Variants in GK5 observed in about 807,000 individuals in gnomAD.
GK5 encodes ATP:glycerol 3-phosphotransferase 5.
A neutral mutation model predicts 77.3 loss-of-function variants in GK5; 39 were observed. The observed-to-expected ratio is 0.50, with a 90% CI of 0.39 to 0.66. GK5 has a LOEUF of 0.66. Ranked by LOEUF, GK5 falls within the 30% of genes least tolerant of loss-of-function variation. GK5 has a pLI of 0.00. For missense variants in GK5, 487 were observed against 633.8 expected (o/e 0.77, Z 2.49); for synonymous variants, 211 against 208.0 (o/e 1.01, Z -0.13).
rs1459056706 is a variant in GK5 at position 142,186,284 on chromosome 3, A to T, written c.682-17T>A. The T allele has an allele frequency of 6.6e-7, 1 of 1,515,006 alleles. No homozygotes were observed. The highest frequency in any genetic ancestry group is 9.2e-7 in the Non-Finnish European group (1 of 1,091,114). The allele number at this position is 1,515,006 out of a possible 1,614,324, so 93.8% of individuals were successfully genotyped here. ...CCAACACATCTGAGCATAAAAACGT[A>T]TCATCAGAATATACATATTTACATA... On this transcript the variant is annotated splice_polypyrimidine_tract_variant and intron_variant, in intron 7 of 15. Coordinates refer to ENST00000392993, the MANE Select transcript of GK5 (RefSeq NM_001039547.3).
chr3:142,212,042 C>T (rs1473602338), intron 3 of GK5, among the ~76,000 whole-genome samples: 1 of 152,178 alleles, frequency 6.6e-6, no homozygotes, highest in East Asian at 1.9e-4. Flanking sequence ...TTTCTTCTTC[C>T]TGCCCAATAC....
rs2063403867 is a variant in GK5 at position 142,159,100 on chromosome 3, C to G, written c.*6522G>C. 6.6e-6 allele frequency: 1 copy of G among 152,168 alleles called. No homozygotes were observed. The highest frequency in any genetic ancestry group is 2.4e-5 in the African/African-American group (1 of 41,448). 9.4% of individuals were successfully genotyped at this position (152,168 alleles called of 1,614,324 possible). Reference sequence around the variant, plus strand: ...TAGTGATCATATCTCACTGCAGCCTCGAACTCCTGGGCTCAAGTGATCCTC... The same window carrying G: ...TAGTGATCATATCTCACTGCAGCCTGGAACTCCTGGGCTCAAGTGATCCTC... On this transcript the variant is annotated 3_prime_UTR_variant, in exon 16 of 16. Transcript: ENST00000392993.
intron 5 of GK5, 121 bp downstream of exon 5, chr3:142,198,681 C>A: frequency 1.1e-6 from 1 of 879,634 alleles, no homozygotes. Context: ...GTGGTAGACA[C>A]TTAATTTTCC....
rs1208719198 is a variant in GK5, at chr3:142,162,045, C to G, written c.*3577G>C. ...AAACTCCTGAGCTGAAGTGATCCGC[C>G]TGCCTTGGCCTCCCAAAGTGCTAGG... On this transcript the variant is annotated 3_prime_UTR_variant, in exon 16 of 16. Coordinates refer to ENST00000392993, the MANE Select transcript of GK5 (RefSeq NM_001039547.3). 2.0e-5 allele frequency: 3 copies of G among 152,194 alleles called. No individual in the cohort carries two copies. In the East Asian group the frequency reaches 5.8e-4, roughly 29 times the overall value. 9.4% of individuals were successfully genotyped at this position (152,194 alleles called of 1,614,324 possible).
At chr3:142,199,296 T>A (rs887485087) in intron 4 of GK5, among the ~76,000 whole-genome samples, 1 of 152,152 alleles carries the variant, frequency 6.6e-6, no homozygotes, top group African/African-American at 2.4e-5. Flanking sequence ...CTTATTTCAG[T>A]GGGATATGTA....
At position 142,158,963 on chromosome 3, in the gene GK5, A is replaced by C. The variant is rs1239899534; in HGVS notation, c.*6659T>G. 6.6e-6 allele frequency: 1 copy of C among 152,228 alleles called. No individual in the cohort carries two copies. Among genetic ancestry groups the C allele is most frequent in the Non-Finnish European group, 1.5e-5 (1 of 68,050 alleles). 9.4% of individuals were successfully genotyped at this position (152,228 alleles called of 1,614,324 possible). ...TGTAAATATGTTCAAAATGCTATACACATTTTGCCTGGAAAGATTTAAAAA... is the reference window on the plus strand; with the variant it reads ...TGTAAATATGTTCAAAATGCTATACCCATTTTGCCTGGAAAGATTTAAAAA... On this transcript the variant is annotated 3_prime_UTR_variant, in exon 16 of 16. Coordinates refer to ENST00000392993, the MANE Select transcript of GK5 (RefSeq NM_001039547.3).
chr3:142,207,283 C>T (rs540778672), intron 3 of GK5, among the ~76,000 whole-genome samples: 13 of 152,306 alleles, frequency 8.5e-5, no homozygotes, highest in Admixed American at 4.6e-4. Context: ...CATCTTGCCA[C>T]GGCTCTTCTA....
intron 4 of GK5, 131 bp from the exon 5 acceptor site, chr3:142,199,064 TAAG>T: frequency 1.7e-6 from 1 of 585,368 alleles, no homozygotes; most frequent in Non-Finnish European, 2.8e-6. Flanking sequence ...TTTCTGCAAT[TAAG>T]AAAATAAAAA....
Position 142,172,441 on chromosome 3 carries a change from G to A in GK5, c.1159C>T (p.Pro387Ser). 1 of 1,592,026 alleles carries A rather than the reference G, an allele frequency of 6.3e-7. No individual in the cohort carries two copies. The highest frequency in any genetic ancestry group is 8.6e-7 in the Non-Finnish European group (1 of 1,163,724). ...CCCATAAAAGAGGCACATGCCCAGG[G>A]GTCATTTAATGGAGCCTACAGTAAG... ...FSGLQAPLNDPWACASFMGLK... is the reference protein window; with the variant it reads ...FSGLQAPLNDSWACASFMGLK... Residue 387 changes from proline to serine, a missense_variant, in exon 13 of 16, where the codon CCC becomes TCC. Around this residue, in one of 4 missense-constraint regions of GK5, gnomAD observed 323 missense variants for 437.4 expected, o/e 0.74. Transcript: ENST00000392993.
intron 2 of GK5, among the ~76,000 whole-genome samples, chr3:142,213,956 G>A (rs1235855132): frequency 6.6e-6 from 1 of 152,122 alleles, no homozygotes; most frequent in Non-Finnish European, 1.5e-5. Flanking sequence ...CCAAATAGCT[G>A]GGATTATAGG....
At chr3:142,194,653 T>C (rs2063907158) in intron 5 of GK5, among the ~76,000 whole-genome samples, 1 of 152,054 alleles carries the variant, frequency 6.6e-6, no homozygotes, top group Non-Finnish European at 1.5e-5. Context: ...ATCATGCCAC[T>C]GTACTCAAGC....
rs995956447 is a variant in GK5 at position 142,164,160 on chromosome 3, G to A, written c.*1462C>T. The stretch of plus-strand genomic sequence containing the variant: ...GAAGTTCATTCAAATGGCACTTGCA[G>A]AAATGCAACTTAATTTCTAGTTCTA... On this transcript the variant is annotated 3_prime_UTR_variant, in exon 16 of 16. Transcript: ENST00000392993. 1.2e-4 allele frequency: 18 copies of A among 152,276 alleles called. No individual in the cohort carries two copies. In the East Asian group the frequency reaches 3.3e-3, roughly 28 times the overall value. 9.4% of individuals were successfully genotyped at this position (152,276 alleles called of 1,614,324 possible). A position where few individuals can be genotyped will look rare whatever the true frequency, so the allele number is the denominator to read the frequency against.
At chr3:142,215,573 AT>A in intron 2 of GK5, 25 bp downstream of exon 2, 1 of 1,226,002 alleles carries the variant, frequency 8.2e-7, no homozygotes, top group South Asian at 1.4e-5. Context: ...CATAAAGATT[AT>A]TGTTATTTTT....
At chr3:142,172,509 G>C (rs576009600) in intron 12 of GK5, 53 bp from the exon 13 acceptor site, 1 of 954,038 alleles carries the variant, frequency 1.0e-6, no homozygotes, top group Non-Finnish European at 1.6e-6. Context: ...TTACATCTAC[G>C]GACTTGAGGA....
At position 142,225,444 on chromosome 3, in the gene GK5, C is replaced by T; in HGVS notation, c.12G>A (p.Leu4=). MSG[L]LTDPEQRAQE... is the part of the protein sequence containing the mutation. ...GCGCTCTCTGCTCCGGGTCCGTGAG[C>T]AGCCCCGACATCCCGATCCCGCACG... Residue 4 remains leucine, a synonymous_variant, in exon 1 of 16, where the codon CTG becomes CTA. Coordinates refer to ENST00000392993, the MANE Select transcript of GK5 (RefSeq NM_001039547.3). 6.2e-7 allele frequency: 1 copy of T among 1,603,044 alleles called. No individual in the cohort carries two copies. Among genetic ancestry groups the T allele is most frequent in the East Asian group, 2.2e-5 (1 of 44,600 alleles).
Position 142,171,475 on chromosome 3 carries a change from G to A in GK5, c.1251C>T (p.Asn417=). 1 of 1,434,534 alleles carries A rather than the reference G, an allele frequency of 7.0e-7. No individual in the cohort carries two copies. Among genetic ancestry groups the A allele is most frequent in the Non-Finnish European group, 9.4e-7 (1 of 1,067,678 alleles). 88.9% of individuals were successfully genotyped at this position (1,434,534 alleles called of 1,614,324 possible). The change falls in exon 14 of 16, where the codon AAC becomes AAT. Residue 417 remains asparagine (N), a synonymous_variant. Transcript: ENST00000392993. ...RAILESIAFR[N]KQLYEMMKKE... is the part of the protein sequence containing the mutation. ...TCTTCATCATCTCATATAACTGTTT[G>A]TTTCTAGTTAAAAAACAAGATAACT...
chr3:142,192,808 A>T (rs535890542), intron 5 of GK5, among the ~76,000 whole-genome samples: 1 of 152,104 alleles, frequency 6.6e-6, no homozygotes, highest in Non-Finnish European at 1.5e-5. Flanking sequence ...TGCCACATTC[A>T]GACAATGGAA....
chr3:142,215,507 A>G, intron 2 of GK5, 92 bp downstream of exon 2: 1 of 660,784 alleles, frequency 1.5e-6, no homozygotes, highest in Non-Finnish European at 2.6e-6. Context: ...ATATATGTAT[A>G]ACTTAGGAAA....
rs1252006288 is a variant in GK5 at position 142,185,642 on chromosome 3, T to TA, written c.816+286dup. 11 of 1,198,890 alleles carry TA rather than the reference T, an allele frequency of 9.2e-6. No homozygotes were observed. In the Admixed American group the frequency reaches 1.1e-4, roughly 12 times the overall value. 74.3% of individuals were successfully genotyped at this position (1,198,890 alleles called of 1,614,324 possible). On this transcript the variant is annotated intron_variant, in intron 9 of 15. Transcript: ENST00000392993. Reference sequence around the variant, plus strand: ...ATGTAAACTAAATACCACTCAGAATTAAAAAAAATTTTTTTTAATTTAAGT... The same window carrying TA: ...ATGTAAACTAAATACCACTCAGAATTAAAAAAAAATTTTTTTTAATTTAAGT...
Sources: gnomAD v4.1 joint callset for allele counts (sites outside exome capture counted in the v4.1 genomes callset) on GRCh38, gnomAD v4.1.1 for gene constraint, gnomAD v4.1.1 regional missense constraint, MANE v1.5 for transcripts, NCBI Gene and HGNC (gene_info 2026-07-23, HGNC 2026-07-21) for gene names.